Variants in ZFP64 observed in about 807,000 individuals in gnomAD.
ZFP64 encodes zinc finger protein 64.
A neutral mutation model predicts 51.6 loss-of-function variants in ZFP64; 14 were observed. The observed-to-expected ratio is 0.27, with a 90% confidence interval of 0.18 to 0.42. The LOEUF is 0.42. Among genes scored for constraint, ZFP64 ranks in the 10% least tolerant of loss-of-function variants. The pLI, the probability that ZFP64 is intolerant of heterozygous loss-of-function variation, is 1.00. For missense variants in ZFP64, 754 were observed against 906.8 expected, an observed-to-expected ratio of 0.83 and a Z score of 2.16; for synonymous variants, 375 against 361.4, an observed-to-expected ratio of 1.04 and a Z score of -0.43.
At chr20:52,089,156 C>T (rs912434305) in intron 7 of ZFP64, 1 of 401,872 alleles carries the variant, frequency 2.5e-6, no homozygotes, top group South Asian at 1.9e-5. Flanking sequence ...TTCCATCCAG[C>T]CATGTTTCAT....
rs1230634847 is a variant in ZFP64, at chr20:52,152,930, G to C, written c.1262C>G (p.Ala421Gly). 1 of 1,613,560 alleles carries C rather than the reference G, an allele frequency of 6.2e-7. No homozygotes were observed. Among genetic ancestry groups the C allele is most frequent in the Non-Finnish European group, 8.5e-7 (1 of 1,180,036 alleles). ...QSSRQVAKLDAKKSFHCDICD... is the reference protein window; with the variant it reads ...QSSRQVAKLDGKKSFHCDICD... ...TATATCGCAGTGGAAACTCTTCTTG[G>C]CATCCAGCTTGGCCACCTGCCGGCT... Residue 421 changes from alanine to glycine, a missense_variant, in exon 6 of 6, where the codon GCC (alanine) becomes GGC (glycine). By Grantham distance (60) the Ala-to-Gly change is moderately conservative. Coordinates refer to ENST00000216923, the MANE Select transcript of ZFP64 (RefSeq NM_018197.3).
Position 52,166,542 on chromosome 20 carries a change from C to G in ZFP64, c.287-517G>C, listed in dbSNP as rs141270273. Among the ~76,000 whole-genome samples the G allele has an allele frequency of 3.5e-3, 527 of 151,924 alleles. 3 individuals are homozygous for G. Among genetic ancestry groups the G allele is most frequent in the Non-Finnish European group, 4.8e-3 (326 of 67,962 alleles). ...TGATCACAGCTCACTGCAGCCTTGA[C>G]CTTCCAGGCTGGAGCAATCCTCCCA... On this transcript the variant is annotated intron_variant, in intron 2 of 5. Coordinates refer to ENST00000216923, the MANE Select transcript of ZFP64 (RefSeq NM_018197.3).
Position 52,153,462 on chromosome 20 carries a change from G to A in ZFP64, c.764-34C>T. 1.3e-6 allele frequency: 2 copies of A among 1,594,984 alleles called. No individual in the cohort carries two copies. Among genetic ancestry groups the A allele is most frequent in the Non-Finnish European group, 1.7e-6 (2 of 1,169,504 alleles). On this transcript the variant is annotated intron_variant, in intron 5 of 5. Transcript: ENST00000216923. This position sits in a 1 kb window ranked among gnomAD's most constrained non-coding sequence, Gnocchi z 5.1. ...ACAAGGTGAGTTTCGATAAGAACAG[G>A]CAGGCAACAACCACAGCGGATCCCC...
At chr20:52,116,761 A>G (rs1978894917) in intron 5 of ZFP64, among the ~76,000 whole-genome samples, 1 of 152,176 alleles carries the variant, frequency 6.6e-6, no homozygotes, top group Non-Finnish European at 1.5e-5. Flanking sequence ...TTTGTATAAC[A>G]TCATCTCTAT....
chr20:52,093,408 G>C (rs1568942013), intron 7 of ZFP64, among the ~76,000 whole-genome samples: 1 of 152,206 alleles, frequency 6.6e-6, no homozygotes, highest in Non-Finnish European at 1.5e-5. Context: ...TGAAAGTGCT[G>C]GGATTACAGG....
intron 5 of ZFP64, chr20:52,104,979 CG>C: frequency 1.2e-6 from 1 of 867,492 alleles, no homozygotes; most frequent in Non-Finnish European, 1.7e-6. Flanking sequence ...AGGCGGGGGG[CG>C]GGGACGCCCA....
At chr20:52,108,828 G>A (rs948834154) in intron 5 of ZFP64, among the ~76,000 whole-genome samples, 1 of 146,470 alleles carries the variant, frequency 6.8e-6, no homozygotes, top group African/African-American at 2.5e-5. Flanking sequence ...GGTTTTAATG[G>A]CTTTATTTCA....
chr20:52,090,754 G>A (rs6068070), intron 7 of ZFP64, among the ~76,000 whole-genome samples: 2 of 151,182 alleles, frequency 1.3e-5, no homozygotes, highest in Admixed American at 6.6e-5. Context: ...AGCCGAGATC[G>A]TGCCACTGCA....
intron 6 of ZFP64, chr20:52,097,520 T>A: frequency 7.7e-7 from 1 of 1,298,030 alleles, no homozygotes; most frequent in Non-Finnish European, 1.1e-6. Flanking sequence ...AGTGGCTCCA[T>A]CTCGGCTCAC....
intron 5 of ZFP64, among the ~76,000 whole-genome samples, chr20:52,109,802 A>AT (rs1978459794): frequency 6.7e-6 from 1 of 150,336 alleles, no homozygotes; most frequent in African/African-American, 2.4e-5. Context: ...AAAAAAAAAA[A>AT]GAAAAAAATT....
In ZFP64 at chr20:52,153,034, C is replaced by G; in HGVS notation, c.1158G>C (p.Leu386=). The G allele has an allele frequency of 6.2e-7, 1 of 1,614,110 alleles. No homozygotes were observed. The highest frequency in any genetic ancestry group is 8.5e-7 in the Non-Finnish European group (1 of 1,180,042). The change falls in exon 6 of 6, where the codon CTG becomes CTC. Residue 386 remains leucine (L), a synonymous_variant. Transcript: ENST00000216923. The surrounding 1 kb of genome is among the most constrained non-coding windows in gnomAD (Gnocchi z 5.1). The part of the protein sequence containing the change: ...CSFDTKQPSN[L]SKHMKKFHGD... ...CATGGAACTTCTTCATGTGCTTGCTCAGGTTGCTGGGCTGTTTGGTGTCGA... is the reference window on the plus strand; with the variant it reads ...CATGGAACTTCTTCATGTGCTTGCTGAGGTTGCTGGGCTGTTTGGTGTCGA...
Position 52,153,057 on chromosome 20 carries a change from C to A in ZFP64, c.1135G>T (p.Asp379Tyr). The A allele has an allele frequency of 6.2e-7, 1 of 1,614,072 alleles. No homozygotes were observed. Among genetic ancestry groups the A allele is most frequent in the Non-Finnish European group, 8.5e-7 (1 of 1,180,030 alleles). The change falls in exon 6 of 6, where the codon GAC becomes TAC. Residue 379 changes from aspartate to tyrosine, a missense_variant. Physicochemically the swap from Asp to Tyr is radical, Grantham distance 160. This residue lies in a region of ZFP64 where 428 missense variants were observed against 472.4 expected (regional missense o/e 0.91). Transcript: ENST00000216923. This position sits in a 1 kb window ranked among gnomAD's most constrained non-coding sequence, Gnocchi z 5.1. ...CTCAGGTTGCTGGGCTGTTTGGTGT[C>A]GAAGCTGCAGTAGTTGCACTTGAAA... Reference protein sequence around the residue: ...RPFKCNYCSFDTKQPSNLSKH... With the variant: ...RPFKCNYCSFYTKQPSNLSKH...
chr20:52,177,539 T>C (rs1379761007), intron 2 of ZFP64, among the ~76,000 whole-genome samples: 1 of 151,914 alleles, frequency 6.6e-6, no homozygotes, highest in East Asian at 1.9e-4. Context: ...GCCTGAGAGA[T>C]CTGATGCCCA....
At position 52,102,107 on chromosome 20, in the gene ZFP64, C is replaced by CAAA. The variant is rs34646115; in HGVS notation, c.764-3523_764-3521dup. The stretch of plus-strand genomic sequence containing the variant: ...AGCCTGGTGAGAGTAACTCCATCTC[C>CAAA]AAAAAAAAAAAAAAAAAAGGCAGCA... On this transcript the variant is annotated intron_variant, in intron 5 of 8. Coordinates refer to the ZFP64 transcript ENST00000361387. Among the ~76,000 whole-genome samples the CAAA allele has an allele frequency of 6.2e-3, 394 of 63,412 alleles. 17 individuals carry two copies. Among genetic ancestry groups the CAAA allele is most frequent in the East Asian group, 0.019 (58 of 3,010 alleles). 41.6% of individuals were successfully genotyped at this position (63,412 alleles called of 152,430 possible). A position where few individuals can be genotyped will look rare whatever the true frequency, so the allele number is the denominator to read the frequency against.
intron 2 of ZFP64, 50 bp from the exon 3 acceptor site, chr20:52,166,075 T>A (rs1301558040): frequency 6.5e-7 from 1 of 1,538,818 alleles, no homozygotes; most frequent in Admixed American, 2.1e-5. Context: ...GCCCGCTAGC[T>A]ATGGTGTCTG....
At chr20:52,109,664 C>T (rs1978443448) in intron 5 of ZFP64, among the ~76,000 whole-genome samples, 1 of 151,332 alleles carries the variant, frequency 6.6e-6, no homozygotes, top group South Asian at 2.1e-4. Flanking sequence ...GCCTGTAATC[C>T]TAGCTACATG....
At chr20:52,186,788 C>T (rs180725568) in intron 2 of ZFP64, 44 bp downstream of exon 2, 3 of 1,569,986 alleles carry the variant, frequency 1.9e-6, no homozygotes, top group African/African-American at 2.7e-5. Context: ...GTTTGAGACA[C>T]AGCCAGGCCA....
chr20:52,084,774 A>C, exon 9 of ZFP64: 1 of 1,614,174 alleles, frequency 6.2e-7, no homozygotes. Context: ...CTGCGTCACG[A>C]TCTTGGCCAC....
At chr20:52,102,467 A>G (rs941944581) in intron 5 of ZFP64, among the ~76,000 whole-genome samples, 2 of 152,136 alleles carry the variant, frequency 1.3e-5, no homozygotes, top group African/African-American at 4.8e-5. Context: ...AGGTTGCAGG[A>G]CTGGAAGTTT....
Sources: gnomAD v4.1 joint callset for allele counts (sites outside exome capture counted in the v4.1 genomes callset) on GRCh38, gnomAD v4.1.1 for gene constraint, gnomAD v4.1.1 regional missense constraint, Gnocchi (gnomAD v3.1) non-coding constraint, MANE v1.5 for transcripts, NCBI Gene and HGNC (gene_info 2026-07-23, HGNC 2026-07-21) for gene names.